The following MNAT1 variants were observed in gnomAD, a reference collection of about 807,000 sequenced individuals.
MNAT1 encodes MNAT1 component of CDK activating kinase, also known as CDK-activating kinase assembly factor MAT1.
Under a neutral mutation model 42.0 loss-of-function variants are expected in MNAT1, and 43 were observed. The observed-to-expected ratio is 1.02, with a 90% CI of 0.80 to 1.32. The LOEUF (loss-of-function observed/expected upper bound fraction) is 1.32, where lower values mean the gene tolerates loss of function less well. Among genes scored for constraint, MNAT1 ranks in the 40% most tolerant of loss-of-function variants. The pLI, the probability that MNAT1 is intolerant of heterozygous loss-of-function variation, is 0.00. For missense variants in MNAT1, 306 were observed against 350.4 expected (o/e 0.87, Z 1.01); for synonymous variants, 118 against 120.0 (o/e 0.98, Z 0.11).
chr14:60,931,350 T>C (rs1566564118), intron 7 of MNAT1, among the ~76,000 whole-genome samples: 1 of 152,144 alleles, frequency 6.6e-6, no homozygotes, highest in Non-Finnish European at 1.5e-5. Context: ...AGGCAGCTGC[T>C]CAGGCTTGCT....
At chr14:60,840,392 G>A (rs989988468) in intron 6 of MNAT1, among the ~76,000 whole-genome samples, 1 of 152,206 alleles carries the variant, frequency 6.6e-6, no homozygotes, top group Non-Finnish European at 1.5e-5. Flanking sequence ...AAGGAAAGTG[G>A]TAAGTTGACT....
intron 7 of MNAT1, among the ~76,000 whole-genome samples, chr14:60,886,346 T>C (rs1205003115): frequency 2.0e-5 from 3 of 152,072 alleles, no homozygotes; most frequent in African/African-American, 7.2e-5. Context: ...AGTATGGACA[T>C]TTTAACAATA....
rs571099547 is a variant in MNAT1 at position 60,941,134 on chromosome 14, G to A, written c.810-27095G>A. On this transcript the variant is annotated intron_variant, in intron 7 of 7. Transcript: ENST00000261245. ...TTTTATGGTTTTTAGTGATTATGTG[G>A]TATTTAAATAATAAACAATGGTGAA... Among the ~76,000 whole-genome samples, 7 of 152,174 alleles carry A rather than the reference G, an allele frequency of 4.6e-5. No individual in the cohort carries two copies. In the South Asian group the frequency reaches 1.5e-3, roughly 32 times the overall value.
intron 1 of MNAT1, among the ~76,000 whole-genome samples, chr14:60,744,384 G>A (rs1594716467): frequency 6.6e-6 from 1 of 151,010 alleles, no homozygotes; most frequent in African/African-American, 2.4e-5. Context: ...TGCGTGCCTC[G>A]GCCTCCCAAA....
chr14:60,870,547 A>T (rs932571030), intron 6 of MNAT1, among the ~76,000 whole-genome samples: 2 of 152,130 alleles, frequency 1.3e-5, no homozygotes, highest in African/African-American at 2.4e-5. Flanking sequence ...CTCACTCTTT[A>T]TATATTCCCC....
intron 6 of MNAT1, among the ~76,000 whole-genome samples, chr14:60,839,240 C>G (rs1014158508): frequency 1.3e-5 from 2 of 152,148 alleles, no homozygotes; most frequent in Non-Finnish European, 2.9e-5. Flanking sequence ...ACCCATGGAC[C>G]AATTAGCATG....
At chr14:60,779,554 C>T (rs527551681) in intron 1 of MNAT1, among the ~76,000 whole-genome samples, 4 of 151,986 alleles carry the variant, frequency 2.6e-5, no homozygotes, top group South Asian at 2.1e-4. Context: ...TTTGGGAGGC[C>T]GAGCAGGAGG....
At chr14:60,862,808 G>A (rs900993812) in intron 6 of MNAT1, among the ~76,000 whole-genome samples, 2 of 152,152 alleles carry the variant, frequency 1.3e-5, no homozygotes, top group South Asian at 2.1e-4. Flanking sequence ...TAGTTTTAAG[G>A]ATCTTCAGGA....
intron 7 of MNAT1, among the ~76,000 whole-genome samples, chr14:60,922,264 G>A (rs1007150731): frequency 6.6e-6 from 1 of 152,098 alleles, no homozygotes; most frequent in Admixed American, 6.5e-5. Context: ...TATGATTAAT[G>A]TTTTAATAAG....
chr14:60,784,164 C>T (rs983542202), intron 1 of MNAT1, among the ~76,000 whole-genome samples: 1 of 142,472 alleles, frequency 7.0e-6, no homozygotes, highest in Non-Finnish European at 1.5e-5. Context: ...AGATACGTGC[C>T]ACCATGCCTG....
chr14:60,887,717 C>T (rs9743735), intron 7 of MNAT1, among the ~76,000 whole-genome samples: 1 of 150,048 alleles, frequency 6.7e-6, no homozygotes, highest in Non-Finnish European at 1.5e-5. Flanking sequence ...TAATAAAGAA[C>T]AAAAGAGAGA....
intron 7 of MNAT1, among the ~76,000 whole-genome samples, chr14:60,884,147 A>C (rs1302897848): frequency 6.6e-6 from 1 of 152,012 alleles, no homozygotes; most frequent in Non-Finnish European, 1.5e-5. Context: ...TGTATTCCAG[A>C]TCTTAGAAGA....
chr14:60,925,736 A>G (rs1486810959), intron 7 of MNAT1, among the ~76,000 whole-genome samples: 1 of 152,046 alleles, frequency 6.6e-6, no homozygotes, highest in South Asian at 2.1e-4. Flanking sequence ...TACTTTTTGG[A>G]GGAATAATTA....
At chr14:60,890,675 C>A (rs1257764889) in intron 7 of MNAT1, among the ~76,000 whole-genome samples, 1 of 152,204 alleles carries the variant, frequency 6.6e-6, no homozygotes, top group Non-Finnish European at 1.5e-5. Context: ...AGCCGAAGAA[C>A]TTGGAGTCCA....
In MNAT1 at chr14:60,922,529, G is replaced by A. The variant is rs373329209; in HGVS notation, c.809+42694G>A. Among the ~76,000 whole-genome samples, 17 of 152,010 alleles carry A rather than the reference G, an allele frequency of 1.1e-4. No individual in the cohort carries two copies. In the East Asian group the frequency reaches 2.3e-3, roughly 21 times the overall value. On this transcript the variant is annotated intron_variant, in intron 7 of 7. Coordinates refer to ENST00000261245, the MANE Select transcript of MNAT1 (RefSeq NM_002431.4). ...TAAATCTTTTATTTTTTGGCCTTTT[G>A]TTTTCTTTGAAGCTTTAACTTGAGG... is the stretch of plus-strand genomic sequence containing the variant.
rs560414695 is a variant in MNAT1 at position 60,856,321 on chromosome 14, G to A, written c.688-23393G>A. 8.5e-5 allele frequency among the ~76,000 whole-genome samples: 13 copies of A among 152,318 alleles called. No homozygotes were observed. In the South Asian group the frequency reaches 2.7e-3, roughly 32 times the overall value. ...GTGGTCTGGGTAAAAGAGCAAACCA[G>A]TCATACCATATTCCCTTAAGTCAAA... On this transcript the variant is annotated intron_variant, in intron 6 of 7. Coordinates refer to ENST00000261245, the MANE Select transcript of MNAT1 (RefSeq NM_002431.4).
chr14:60,957,068 T>G (rs895685498), intron 7 of MNAT1, among the ~76,000 whole-genome samples: 6 of 152,230 alleles, frequency 3.9e-5, no homozygotes, highest in African/African-American at 1.2e-4. Context: ...GGAGACCTTT[T>G]GTCCCTTTTT....
chr14:60,838,952 G>C (rs2033472498), intron 6 of MNAT1, among the ~76,000 whole-genome samples: 1 of 152,142 alleles, frequency 6.6e-6, no homozygotes, highest in Non-Finnish European at 1.5e-5. Context: ...GCCCCCTCTG[G>C]ACTTTGGGGA....
At chr14:60,777,436 TC>T (rs549914428) in intron 1 of MNAT1, among the ~76,000 whole-genome samples, 39 of 150,838 alleles carry the variant, frequency 2.6e-4, no homozygotes, top group Non-Finnish European at 3.5e-4. Context: ...ACCCCACCTC[TC>T]CCCCCCCAAA....
Sources: gnomAD v4.1 joint callset for allele counts (sites outside exome capture counted in the v4.1 genomes callset) on GRCh38, gnomAD v4.1.1 for gene constraint, MANE v1.5 for transcripts, NCBI Gene and HGNC (gene_info 2026-07-23, HGNC 2026-07-21) for gene names.